LRMDA: variants seen among roughly 807,000 people sequenced by gnomAD.
LRMDA encodes the protein leucine-rich melanocyte differentiation-associated protein.
Under a neutral mutation model 29.8 loss-of-function variants are expected in LRMDA, and 18 were observed. The observed-to-expected ratio is 0.60, with a 90% CI of 0.42 to 0.90. LRMDA has a LOEUF of 0.90. Ranked by LOEUF, LRMDA falls within the 40% of genes least tolerant of loss-of-function variation. The probability of loss-of-function intolerance (pLI) is 0.00; values close to 1 mark genes in which losing one functional copy is unlikely to be tolerated. For synonymous variants in LRMDA, 125 were observed against 109.4 expected, an observed-to-expected ratio of 1.14 and a Z score of -0.89; for missense variants, 273 against 273.9, an observed-to-expected ratio of 1.00 and a Z score of 0.02.
At chr10:75,508,406 G>T (rs375092393) in intron 2 of LRMDA, among the ~76,000 whole-genome samples, 1 of 152,182 alleles carries the variant, frequency 6.6e-6, no homozygotes, top group African/African-American at 2.4e-5. Context: ...AGCCTTTTGG[G>T]CTGTATATTT....
At chr10:76,230,982 T>A (rs1407975199) in intron 5 of LRMDA, among the ~76,000 whole-genome samples, 1 of 152,220 alleles carries the variant, frequency 6.6e-6, no homozygotes, top group African/African-American at 2.4e-5. Context: ...ACAAAGGCCA[T>A]GCAAAAATTA....
At chr10:75,699,068 G>A (rs917498245) in intron 2 of LRMDA, among the ~76,000 whole-genome samples, 2 of 152,078 alleles carry the variant, frequency 1.3e-5, no homozygotes, top group Non-Finnish European at 2.9e-5. Context: ...AGGTGTGGTG[G>A]TGGGTGCCTG....
At chr10:75,446,536 C>A (rs1018102032) in intron 2 of LRMDA, among the ~76,000 whole-genome samples, 1 of 152,134 alleles carries the variant, frequency 6.6e-6, no homozygotes, top group African/African-American at 2.4e-5. Context: ...CTGTAAGAGC[C>A]AGTAAATGAT....
intron 2 of LRMDA, among the ~76,000 whole-genome samples, chr10:75,981,543 A>G (rs919413802): frequency 1.4e-4 from 21 of 152,156 alleles, no homozygotes; most frequent in African/African-American, 4.8e-4. Context: ...AATATTATCC[A>G]TACATTTTAA....
At chr10:75,745,100 A>G (rs1050115692) in intron 2 of LRMDA, among the ~76,000 whole-genome samples, 1 of 152,194 alleles carries the variant, frequency 6.6e-6, no homozygotes, top group Non-Finnish European at 1.5e-5. Context: ...TCTTATCATG[A>G]CGTCTCCCAA....
intron 5 of LRMDA, among the ~76,000 whole-genome samples, chr10:76,249,928 G>C (rs1852443140): frequency 6.6e-6 from 1 of 152,098 alleles, no homozygotes; most frequent in Non-Finnish European, 1.5e-5. Flanking sequence ...TCAGCCTCCT[G>C]GGTAGCTGGG....
intron 6 of LRMDA, among the ~76,000 whole-genome samples, chr10:76,357,085 A>G (rs1342762060): frequency 6.6e-6 from 1 of 152,206 alleles, no homozygotes; most frequent in Non-Finnish European, 1.5e-5. Context: ...GCATAGAAAG[A>G]GAGAAGAGGA....
chr10:76,517,625 G>A (rs1306822888), intron 6 of LRMDA, among the ~76,000 whole-genome samples: 1 of 151,920 alleles, frequency 6.6e-6, no homozygotes, highest in Non-Finnish European at 1.5e-5. Context: ...AAATTATCCT[G>A]GAAGAAAAGT....
chr10:76,555,371 T>C (rs535077230), intron 6 of LRMDA, among the ~76,000 whole-genome samples: 112 of 152,092 alleles, frequency 7.4e-4, no homozygotes, highest in African/African-American at 2.6e-3. Context: ...AAACCAGAAA[T>C]TGGGGATTAG....
rs900377327 is a variant in LRMDA, at chr10:75,577,764, T to C, written c.131+139270T>C. On this transcript the variant is annotated intron_variant, in intron 2 of 6. Transcript: ENST00000611255. ...TTCTTAAAGAAAAGAATTTTCAACC[T>C]AGAATTTCATATCCAGCTAAACTAA... Among the ~76,000 whole-genome samples the C allele has an allele frequency of 5.3e-5, 8 of 152,206 alleles. No homozygotes were observed. The East Asian group carries it at 1.6e-3, about 30-fold the overall frequency.
At chr10:76,232,938 G>C (rs190801263) in intron 5 of LRMDA, among the ~76,000 whole-genome samples, 1 of 152,310 alleles carries the variant, frequency 6.6e-6, no homozygotes, top group East Asian at 1.9e-4. Context: ...CCACTCAAAG[G>C]TGGGCATGAC....
chr10:75,754,576 T>G lies in LRMDA; in HGVS notation c.132-281432T>G, dbSNP rs186912999. Among the ~76,000 whole-genome samples, 49 of 152,366 alleles carry G rather than the reference T, an allele frequency of 3.2e-4. No homozygotes were observed. In the Middle Eastern group the frequency reaches 0.01, roughly 32 times the overall value. ...TATATTTTTATGGGCTTTGTTGTTT[T>G]TACTTGTCACAGTTGCTGGTATTAG... On this transcript the variant is annotated intron_variant, in intron 2 of 6. Transcript: ENST00000611255.
chr10:75,797,229 A>T (rs369677308), intron 2 of LRMDA, among the ~76,000 whole-genome samples: 1 of 152,072 alleles, frequency 6.6e-6, no homozygotes, highest in Non-Finnish European at 1.5e-5. Flanking sequence ...GTTTACCTAA[A>T]TTTTTGAATT....
chr10:75,980,629 C>T (rs1284282490), intron 2 of LRMDA, among the ~76,000 whole-genome samples: 2 of 152,154 alleles, frequency 1.3e-5, no homozygotes, highest in Non-Finnish European at 2.9e-5. Context: ...GATTAGGGGA[C>T]ATTCATCTTC....
intron 5 of LRMDA, among the ~76,000 whole-genome samples, chr10:76,146,360 T>A (rs1326494181): frequency 1.3e-5 from 2 of 152,036 alleles, no homozygotes; most frequent in African/African-American, 2.4e-5. Flanking sequence ...ACTTGCTATA[T>A]GAATCTGGGT....
intron 2 of LRMDA, among the ~76,000 whole-genome samples, chr10:75,483,268 G>A (rs1051610476): frequency 1.3e-5 from 2 of 152,128 alleles, no homozygotes; most frequent in South Asian, 4.1e-4. Context: ...TATATAGATT[G>A]CTGTGTATGA....
intron 2 of LRMDA, among the ~76,000 whole-genome samples, chr10:75,713,640 A>C (rs1385032409): frequency 6.6e-6 from 1 of 152,254 alleles, no homozygotes; most frequent in African/African-American, 2.4e-5. Flanking sequence ...TGGTGGTTTC[A>C]AAATGAGCCA....
At chr10:76,088,206 G>T (rs575291126) in intron 5 of LRMDA, among the ~76,000 whole-genome samples, 1 of 152,266 alleles carries the variant, frequency 6.6e-6, no homozygotes, top group South Asian at 2.1e-4. Flanking sequence ...ATCCATCACT[G>T]CTGTAATCTA....
At chr10:75,977,604 A>C (rs566209796) in intron 2 of LRMDA, among the ~76,000 whole-genome samples, 1 of 152,336 alleles carries the variant, frequency 6.6e-6, no homozygotes, top group Admixed American at 6.5e-5. Context: ...CTAATTAGAA[A>C]GTAGTGTTAA....
Sources: gnomAD v4.1 joint callset for allele counts (sites outside exome capture counted in the v4.1 genomes callset) on GRCh38, gnomAD v4.1.1 for gene constraint, MANE v1.5 for transcripts, NCBI Gene and HGNC (gene_info 2026-07-23, HGNC 2026-07-21) for gene names.